The following HBS1L variants were observed in gnomAD, a reference collection of about 807,000 sequenced individuals.
HBS1L encodes HBS1 like translational GTPase.
Under a neutral mutation model 88.9 loss-of-function variants are expected in HBS1L, and 55 were observed. The observed-to-expected ratio is 0.62, with a 90% CI of 0.50 to 0.77. The LOEUF (loss-of-function observed/expected upper bound fraction) is 0.77, where lower values mean the gene tolerates loss of function less well. HBS1L is among the 30% of genes least tolerant of loss of function. The pLI is 0.00. For synonymous variants in HBS1L, 267 were observed against 288.5 expected, an observed-to-expected ratio of 0.93 and a Z score of 0.76; for missense variants, 741 against 829.3, an observed-to-expected ratio of 0.89 and a Z score of 1.31.
At chr6:134,992,652 C>T (rs1006493710) in intron 8 of HBS1L, among the ~76,000 whole-genome samples, 4 of 151,852 alleles carry the variant, frequency 2.6e-5, no homozygotes, top group Admixed American at 6.6e-5. Context: ...TAAGACTATA[C>T]AGAAAGAAAA....
intron 2 of HBS1L, among the ~76,000 whole-genome samples, chr6:135,048,266 T>C (rs1024624719): frequency 2.0e-5 from 3 of 152,190 alleles, no homozygotes; most frequent in Non-Finnish European, 4.4e-5. Flanking sequence ...GTAACTGCAA[T>C]TAATATCCGT....
At chr6:135,007,926 G>A (rs1775659304) in intron 4 of HBS1L, among the ~76,000 whole-genome samples, 3 of 152,170 alleles carry the variant, frequency 2.0e-5, no homozygotes, top group Admixed American at 1.3e-4. Context: ...CCACTAATTA[G>A]CTGTCACCTT....
intron 5 of HBS1L, among the ~76,000 whole-genome samples, 189 bp from the exon 6 acceptor site, chr6:134,997,845 C>A (rs748589179): frequency 1.3e-5 from 2 of 151,928 alleles, no homozygotes; most frequent in Non-Finnish European, 2.9e-5. Flanking sequence ...CAAATACAAC[C>A]GTGGAAGATC....
intron 4 of HBS1L, among the ~76,000 whole-genome samples, chr6:135,022,621 G>A (rs938104615): frequency 9.2e-5 from 14 of 151,914 alleles, no homozygotes; most frequent in Non-Finnish European, 1.8e-4. Context: ...ACCTGTATAA[G>A]TATAAAATTC....
intron 2 of HBS1L, among the ~76,000 whole-genome samples, chr6:135,045,252 G>A (rs915588192): frequency 9.9e-5 from 15 of 152,114 alleles, no homozygotes; most frequent in Non-Finnish European, 1.8e-4. Context: ...GTAATGATGA[G>A]AAAATGGTAA....
intron 4 of HBS1L, among the ~76,000 whole-genome samples, chr6:135,032,187 A>T (rs1343189101): frequency 6.6e-6 from 1 of 152,072 alleles, no homozygotes; most frequent in Non-Finnish European, 1.5e-5. Flanking sequence ...GAAATAAAAC[A>T]GTACTTTCAG....
intron 4 of HBS1L, among the ~76,000 whole-genome samples, chr6:135,003,381 G>T (rs1775519097): frequency 1.3e-5 from 2 of 151,950 alleles, no homozygotes; most frequent in South Asian, 4.2e-4. Flanking sequence ...AGGGAAAGAG[G>T]TTAATGTAGA....
At chr6:134,987,334 G>C (rs1391934336) in intron 9 of HBS1L, among the ~76,000 whole-genome samples, 1 of 151,992 alleles carries the variant, frequency 6.6e-6, no homozygotes, top group Non-Finnish European at 1.5e-5. Flanking sequence ...AAGTTTCTGG[G>C]TGGGAAGGAG....
chr6:135,023,524 C>T (rs1003855730), intron 4 of HBS1L, among the ~76,000 whole-genome samples: 2 of 152,060 alleles, frequency 1.3e-5, no homozygotes, highest in Non-Finnish European at 2.9e-5. Context: ...TATTTGCATA[C>T]AGACATACTA....
chr6:134,968,511 A>T (rs2114743004), intron 16 of HBS1L, among the ~76,000 whole-genome samples: 1 of 152,304 alleles, frequency 6.6e-6, no homozygotes. Context: ...GGCCTCTCAA[A>T]GTGCTAGGAT....
At chr6:135,033,116 ATTG>A (rs1776436086) in intron 4 of HBS1L, among the ~76,000 whole-genome samples, 1 of 152,154 alleles carries the variant, frequency 6.6e-6, no homozygotes, top group South Asian at 2.1e-4. Context: ...AAGAGCAAAA[ATTG>A]TTTATAATGT....
intron 2 of HBS1L, among the ~76,000 whole-genome samples, chr6:135,047,656 AAC>A (rs1199873563): frequency 1.3e-5 from 2 of 152,226 alleles, no homozygotes; most frequent in Non-Finnish European, 1.5e-5. Context: ...AAATACATAT[AAC>A]AGTCTCCTAA....
At chr6:135,049,276 C>A (rs1371934986) in intron 2 of HBS1L, among the ~76,000 whole-genome samples, 1 of 152,026 alleles carries the variant, frequency 6.6e-6, no homozygotes, top group Non-Finnish European at 1.5e-5. Context: ...GGAAAGAGTT[C>A]TCCTTGGGAC....
At chr6:135,036,910 C>T (rs1285600334) in intron 4 of HBS1L, 31 of 1,551,564 alleles carry the variant, frequency 2.0e-5, no homozygotes, top group Non-Finnish European at 2.5e-5. Context: ...AACTTTAGTT[C>T]GTGATGATGG....
At chr6:134,998,368 C>T (rs1007738012) in intron 5 of HBS1L, among the ~76,000 whole-genome samples, 4 of 152,196 alleles carry the variant, frequency 2.6e-5, no homozygotes, top group East Asian at 3.8e-4. Flanking sequence ...AAACACTGAT[C>T]TTAGTTCTTC....
At chr6:135,036,953 C>G in intron 4 of HBS1L, 1 of 1,551,436 alleles carries the variant, frequency 6.4e-7, no homozygotes, top group South Asian at 1.2e-5. Flanking sequence ...GGCTTTGGAA[C>G]AAAATCTGGG....
rs9402669 is a variant in HBS1L, at chr6:134,966,275, A to G, written c.2043+54T>C. Reference sequence around the variant, plus strand: ...TTCTTTTCATTCCTAAAAGGTAAAAAAGAAAAGGCATCATAACTATGGATA... The same window carrying G: ...TTCTTTTCATTCCTAAAAGGTAAAAGAGAAAAGGCATCATAACTATGGATA... On this transcript the variant is annotated intron_variant, in intron 17 of 17. Transcript: ENST00000367837. 1,902 of 1,464,270 alleles carry G rather than the reference A, an allele frequency of 1.3e-3. 23 individuals are homozygous for G. The African/African-American group carries it at 0.024, about 19-fold the overall frequency. 90.7% of individuals were successfully genotyped at this position (1,464,270 alleles called of 1,614,324 possible). A position where few individuals can be genotyped will look rare whatever the true frequency, so the allele number is the denominator to read the frequency against.
rs182209011 is a variant in HBS1L, at chr6:135,005,592, A to C, written c.431-2750T>G. ...TTTTAAAAAGTTTGTCTGAAAAGGGAATAATATGGCAGAATAGCAGTAGAA... is the reference window on the plus strand; with the variant it reads ...TTTTAAAAAGTTTGTCTGAAAAGGGCATAATATGGCAGAATAGCAGTAGAA... On this transcript the variant is annotated intron_variant, in intron 4 of 17. Transcript: ENST00000367837. 1.4e-3 allele frequency among the ~76,000 whole-genome samples: 211 copies of C among 152,322 alleles called. 1 individual carries two copies. The highest frequency in any genetic ancestry group is 1.2e-3 in the East Asian group (6 of 5,186).
intron 4 of HBS1L, among the ~76,000 whole-genome samples, chr6:135,010,067 T>C (rs1775732481): frequency 6.6e-6 from 1 of 152,228 alleles, no homozygotes; most frequent in Non-Finnish European, 1.5e-5. Context: ...TGTCTCATCA[T>C]TCTATAATTC....
Sources: gnomAD v4.1 joint callset for allele counts (sites outside exome capture counted in the v4.1 genomes callset) on GRCh38, gnomAD v4.1.1 for gene constraint, MANE v1.5 for transcripts, NCBI Gene and HGNC (gene_info 2026-07-23, HGNC 2026-07-21) for gene names.